The following ZNF251 variants were observed in gnomAD, a reference collection of about 807,000 sequenced individuals.
ZNF251 encodes zinc finger protein 251.
Under a neutral mutation model 13.5 loss-of-function variants are expected in ZNF251, and 14 were observed. The ratio of observed to expected loss-of-function variants is 1.04; its 90% CI spans 0.69 to 1.63. ZNF251 has a LOEUF of 1.63. Ranked by LOEUF, ZNF251 falls within the 40% of genes most tolerant of loss-of-function variation. The pLI, the probability that ZNF251 is intolerant of heterozygous loss-of-function variation, is 0.00. For missense variants in ZNF251, 764 were observed against 834.9 expected, an observed-to-expected ratio of 0.92 and a Z score of 1.05; for synonymous variants, 287 against 295.2, an observed-to-expected ratio of 0.97 and a Z score of 0.28.
chr8:144,747,181 A>G (rs933091690), intron 4 of ZNF251, among the ~76,000 whole-genome samples: 2 of 152,152 alleles, frequency 1.3e-5, no homozygotes, highest in African/African-American at 4.8e-5. Context: ...CTTAATTCAA[A>G]ATATTCTAAA....
At chr8:144,750,846 G>T (rs1024792294) in intron 4 of ZNF251, among the ~76,000 whole-genome samples, 2 of 141,318 alleles carry the variant, frequency 1.4e-5, no homozygotes, top group Non-Finnish European at 3.0e-5. Flanking sequence ...TCTCTCCAGA[G>T]TTTTTTTTTT....
rs935749189 is a variant in ZNF251 at position 144,736,507 on chromosome 8, T to A, written c.278-13125A>T. Among the ~76,000 whole-genome samples, 14 of 141,262 alleles carry A rather than the reference T, an allele frequency of 9.9e-5. No individual in the cohort carries two copies. The East Asian group carries it at 1.9e-3, about 19-fold the overall frequency. The allele number at this position is 141,262 out of a possible 152,430, so 92.7% of individuals were successfully genotyped here. On this transcript the variant is annotated intron_variant, in intron 4 of 4. Transcript: ENST00000292562. Reference sequence around the variant, plus strand: ...TATTTATTTATTTATTTATTTATTTTTGAGACAGAGTTTCGCTCTTGTTGC... The same window carrying A: ...TATTTATTTATTTATTTATTTATTTATGAGACAGAGTTTCGCTCTTGTTGC...
chr8:144,746,922 T>C (rs1407978532), intron 4 of ZNF251, among the ~76,000 whole-genome samples: 2 of 152,222 alleles, frequency 1.3e-5, no homozygotes, highest in Non-Finnish European at 2.9e-5. Flanking sequence ...ATCTTCTGGT[T>C]TCGTTGATTT....
chr8:144,728,662 C>CAAAAA (rs573364533), intron 4 of ZNF251, among the ~76,000 whole-genome samples: 1 of 56,394 alleles, frequency 1.8e-5, no homozygotes, highest in Non-Finnish European at 4.0e-5. Context: ...GGCTCCGTCT[C>CAAAAA]AAAAAAAAAA....
At chr8:144,739,377 C>G (rs552093238) in intron 4 of ZNF251, among the ~76,000 whole-genome samples, 1 of 151,546 alleles carries the variant, frequency 6.6e-6, no homozygotes, top group African/African-American at 2.4e-5. Context: ...TCCACTCCCC[C>G]GCCTAAACTA....
In ZNF251 at chr8:144,753,798, T is replaced by C. The variant is rs1262003385; in HGVS notation, c.164-2A>G. ...ACTCCGGCTTAGGGACAGGGAATCC[T>C]GTTGAGGATGAGGACACTGGTGAGC... On this transcript the variant is annotated splice_acceptor_variant, in intron 3 of 4. Transcript: ENST00000292562. LOFTEE classifies it high-confidence loss of function. The C allele has an allele frequency of 3.2e-6, 5 of 1,565,372 alleles. No individual in the cohort carries two copies. The highest frequency in any genetic ancestry group is 4.3e-6 in the Non-Finnish European group (5 of 1,154,198).
intron 4 of ZNF251, among the ~76,000 whole-genome samples, chr8:144,728,473 C>T (rs555187150): frequency 3.3e-5 from 5 of 151,968 alleles, no homozygotes; most frequent in Middle Eastern, 3.4e-3. Context: ...ACCATCCTGG[C>T]TAACATGGTG....
intron 4 of ZNF251, among the ~76,000 whole-genome samples, chr8:144,752,862 G>A (rs777709308): frequency 3.3e-5 from 5 of 152,098 alleles, no homozygotes; most frequent in South Asian, 2.1e-4. Context: ...GAATGAGGAG[G>A]AAAAGGGAGA....
chr8:144,744,900 A>G (rs1345297325), intron 4 of ZNF251, among the ~76,000 whole-genome samples: 1 of 152,186 alleles, frequency 6.6e-6, no homozygotes, highest in Non-Finnish European at 1.5e-5. Context: ...TACTAAAAGT[A>G]CAAAAACCAG....
intron 4 of ZNF251, among the ~76,000 whole-genome samples, chr8:144,740,411 T>C (rs113217718): frequency 6.8e-6 from 1 of 147,786 alleles, no homozygotes; most frequent in African/African-American, 2.5e-5. Flanking sequence ...CCGAGGTGGG[T>C]GGATCACCTG....
In ZNF251 at chr8:144,721,742, G is replaced by A. The variant is rs886119273; in HGVS notation, c.1918C>T (p.Pro640Ser). ...TTCTCTCCAACACGAGTCTGCTGAG[G>A]TGGTGTGAGCTGTGAACTCTGGCTG... ...AFSQSSQLTPPQQTRVGEKPA... is the reference protein window; with the variant it reads ...AFSQSSQLTPSQQTRVGEKPA... Residue 640 changes from proline to serine, a missense_variant, in exon 5 of 5, where the codon CCT (proline) becomes TCT (serine). Physicochemically the swap from Pro to Ser is moderately conservative, Grantham distance 74 (BLOSUM62 -1). Transcript: ENST00000292562. 7 of 1,413,916 alleles carry A rather than the reference G, an allele frequency of 5.0e-6. No homozygotes were observed. The highest frequency in any genetic ancestry group is 6.5e-6 in the Non-Finnish European group (7 of 1,077,914). 87.6% of individuals were successfully genotyped at this position (1,413,916 alleles called of 1,614,324 possible). A position where few individuals can be genotyped will look rare whatever the true frequency, so the allele number is the denominator to read the frequency against.
At chr8:144,748,264 G>A (rs1824521878) in intron 4 of ZNF251, among the ~76,000 whole-genome samples, 1 of 151,582 alleles carries the variant, frequency 6.6e-6, no homozygotes, top group Admixed American at 6.6e-5. Flanking sequence ...AGTAGAGATG[G>A]GGTTTCATCA....
chr8:144,737,529 AC>A (rs1208991289), intron 4 of ZNF251, among the ~76,000 whole-genome samples: 6 of 150,322 alleles, frequency 4.0e-5, no homozygotes, highest in East Asian at 2.0e-4. Flanking sequence ...AAACAAACAA[AC>A]AAAAAACCAG....
Position 144,754,679 on chromosome 8 carries a change from A to C in ZNF251, c.33+17T>G. 6.2e-7 allele frequency: 1 copy of C among 1,603,534 alleles called. No homozygotes were observed. Among genetic ancestry groups the C allele is most frequent in the South Asian group, 1.1e-5 (1 of 89,280 alleles). On this transcript the variant is annotated intron_variant, in intron 2 of 4. Transcript: ENST00000292562. ...GGATGAAGATGAAGAGGTGGGCAGG[A>C]AGGAGGGTTAACTCACCTGGTGCCC...
At chr8:144,743,188 T>C (rs1824248874) in intron 4 of ZNF251, among the ~76,000 whole-genome samples, 1 of 152,126 alleles carries the variant, frequency 6.6e-6, no homozygotes. Context: ...CTCAGCCTCC[T>C]GAGTAGCTGG....
At chr8:144,753,549 G>A in intron 4 of ZNF251, 134 bp downstream of exon 4, 1 of 626,352 alleles carries the variant, frequency 1.6e-6, no homozygotes, top group Non-Finnish European at 2.8e-6. Flanking sequence ...CATTTGTAGA[G>A]GGGCTGTATC....
At chr8:144,742,005 T>TA in intron 4 of ZNF251, among the ~76,000 whole-genome samples, 1 of 152,138 alleles carries the variant, frequency 6.6e-6, no homozygotes, top group South Asian at 2.1e-4. Flanking sequence ...TATGAACACC[T>TA]AGCAGAGTAA....
chr8:144,745,346 A>G (rs2130049741), intron 4 of ZNF251, among the ~76,000 whole-genome samples: 1 of 151,984 alleles, frequency 6.6e-6, no homozygotes, highest in African/African-American at 2.4e-5. Flanking sequence ...GTTCTGTTTC[A>G]TTGATCTATT....
intron 4 of ZNF251, among the ~76,000 whole-genome samples, chr8:144,726,878 A>G (rs1823534165): frequency 6.6e-6 from 1 of 151,954 alleles, no homozygotes. Context: ...TCCAAAAAAG[A>G]AAAAAAAGAA....
Sources: gnomAD v4.1 joint callset for allele counts (sites outside exome capture counted in the v4.1 genomes callset) on GRCh38, gnomAD v4.1.1 for gene constraint, MANE v1.5 for transcripts, NCBI Gene and HGNC (gene_info 2026-07-23, HGNC 2026-07-21) for gene names.